Variants in GLIS3 observed in about 807,000 individuals in gnomAD.
GLIS3 encodes GLIS family zinc finger 3, also known as zinc finger protein GLIS3.
GLIS3 carries 53 observed loss-of-function variants against 78.6 expected under a neutral mutation model. The ratio of observed to expected loss-of-function variants is 0.67; its 90% CI spans 0.54 to 0.85. The LOEUF (loss-of-function observed/expected upper bound fraction) is 0.85, where lower values mean the gene tolerates loss of function less well. Among genes scored for constraint, GLIS3 ranks in the 40% least tolerant of loss-of-function variants. GLIS3 has a pLI of 0.00. For missense variants in GLIS3, 1,703 were observed against 1,231.1 expected, an observed-to-expected ratio of 1.38 and a Z score of -5.74; for synonymous variants, 684 against 509.9, an observed-to-expected ratio of 1.34 and a Z score of -4.60.
At chr9:3,944,364 A>C (rs943444027) in intron 4 of GLIS3, among the ~76,000 whole-genome samples, 1 of 152,230 alleles carries the variant, frequency 6.6e-6, no homozygotes, top group African/African-American at 2.4e-5. Flanking sequence ...CATAACTGGG[A>C]AAAGAACATT....
intron 4 of GLIS3, among the ~76,000 whole-genome samples, chr9:3,967,821 C>T (rs902586523): frequency 2.0e-5 from 3 of 152,046 alleles, no homozygotes; most frequent in Non-Finnish European, 2.9e-5. Flanking sequence ...CTTCCACAAC[C>T]GTAAAGAATG....
intron 1 of GLIS3, among the ~76,000 whole-genome samples, chr9:4,347,337 C>G (rs565638495): frequency 6.6e-6 from 1 of 152,206 alleles, no homozygotes; most frequent in South Asian, 2.1e-4. Flanking sequence ...CCCTCATGAC[C>G]TAAACACCTC....
In GLIS3 at chr9:4,240,526, C is replaced by A. The variant is rs12345870; in HGVS notation, c.388+45512G>T. 8.3e-3 allele frequency among the ~76,000 whole-genome samples: 1,266 copies of A among 152,084 alleles called. 25 individuals are homozygous for A. The highest frequency in any genetic ancestry group is 0.029 in the African/African-American group (1,219 of 41,482). On this transcript the variant is annotated intron_variant, in intron 2 of 10. Transcript: ENST00000381971. Reference sequence around the variant, plus strand: ...CTGAGATTTTCTCTCCAAAAAAAAACTAGTAAAAATTATAAACAAGATTAC... The same window carrying A: ...CTGAGATTTTCTCTCCAAAAAAAAAATAGTAAAAATTATAAACAAGATTAC...
the GLIS3 span, among the ~76,000 whole-genome samples, chr9:4,402,465 C>G: frequency 6.6e-6 from 1 of 152,110 alleles, no homozygotes; most frequent in Non-Finnish European, 1.5e-5. Context: ...CATGACCTCA[C>G]CAAATGAACT....
intron 2 of GLIS3, among the ~76,000 whole-genome samples, chr9:4,275,147 T>C (rs991759878): frequency 2.0e-5 from 3 of 152,170 alleles, no homozygotes; most frequent in African/African-American, 7.2e-5. Flanking sequence ...AAGGTGCTTA[T>C]GCATATACCG....
chr9:4,381,559 C>G, the GLIS3 span, among the ~76,000 whole-genome samples: 1 of 152,208 alleles, frequency 6.6e-6, no homozygotes, highest in Non-Finnish European at 1.5e-5. Flanking sequence ...ATTTTATGAA[C>G]ACAGCACTCA....
chr9:3,902,511 C>T (rs997333675), intron 6 of GLIS3, among the ~76,000 whole-genome samples: 4 of 152,208 alleles, frequency 2.6e-5, no homozygotes, highest in African/African-American at 9.6e-5. Flanking sequence ...ATTTTACCAA[C>T]ATCTTCTTAG....
intron 4 of GLIS3, among the ~76,000 whole-genome samples, chr9:4,116,920 G>T (rs1200816342): frequency 6.6e-6 from 1 of 152,188 alleles, no homozygotes; most frequent in Admixed American, 6.5e-5. Context: ...GATCCCAAGG[G>T]TGATGCCCTG....
At chr9:4,301,585 A>G (rs1055965543), upstream of GLIS3, among the ~76,000 whole-genome samples, 1 of 152,216 alleles carries the variant, frequency 6.6e-6, no homozygotes, top group African/African-American at 2.4e-5. Context: ...ACTTCTGTTC[A>G]TCAGATTCTT....
intron 4 of GLIS3, among the ~76,000 whole-genome samples, chr9:4,101,837 G>C (rs1240214757): frequency 6.6e-6 from 1 of 152,068 alleles, no homozygotes; most frequent in Non-Finnish European, 1.5e-5. Context: ...ATGCCATCTT[G>C]CACCAAAAGT....
the GLIS3 span, among the ~76,000 whole-genome samples, chr9:4,405,593 T>A: frequency 6.6e-6 from 1 of 152,020 alleles, no homozygotes; most frequent in East Asian, 1.9e-4. Context: ...AAAAGTCTCC[T>A]AGTAAAGAAA....
intron 4 of GLIS3, among the ~76,000 whole-genome samples, chr9:4,022,070 G>C (rs1223339746): frequency 6.6e-6 from 1 of 152,036 alleles, no homozygotes; most frequent in Non-Finnish European, 1.5e-5. Flanking sequence ...GACAGGTGGT[G>C]ACAACTTAAT....
At chr9:4,486,585 G>A in the GLIS3 span, among the ~76,000 whole-genome samples, 34 of 152,132 alleles carry the variant, frequency 2.2e-4, no homozygotes, top group Admixed American at 6.5e-4. Context: ...GAAGTCTCCC[G>A]TGTGTATACG....
At chr9:3,855,119 T>C (rs1819681708) in intron 9 of GLIS3, among the ~76,000 whole-genome samples, 2 of 152,198 alleles carry the variant, frequency 1.3e-5, no homozygotes, top group Admixed American at 1.3e-4. Context: ...TAAAAGCCTG[T>C]GACAGTTCAA....
At chr9:4,234,087 T>C (rs1322792202) in intron 2 of GLIS3, among the ~76,000 whole-genome samples, 3 of 152,126 alleles carry the variant, frequency 2.0e-5, no homozygotes, top group African/African-American at 4.8e-5. Context: ...GTGGTCAGTA[T>C]GACTGTCCAT....
chr9:4,178,277 C>T (rs976620102), intron 2 of GLIS3, among the ~76,000 whole-genome samples: 5 of 151,958 alleles, frequency 3.3e-5, no homozygotes, highest in African/African-American at 7.3e-5. Flanking sequence ...ACTCTGCCAC[C>T]GTGCCTAAGA....
the GLIS3 span, among the ~76,000 whole-genome samples, chr9:4,419,378 G>A: frequency 2.6e-5 from 4 of 152,190 alleles, no homozygotes; most frequent in Admixed American, 6.5e-5. Context: ...GGCTGTACAG[G>A]AAGCATAATT....
chr9:4,179,137 A>C (rs1029724418), intron 2 of GLIS3, among the ~76,000 whole-genome samples: 6 of 152,312 alleles, frequency 3.9e-5, no homozygotes, highest in Admixed American at 2.0e-4. Context: ...GCTTCATTAA[A>C]GATGCTTACA....
At chr9:4,204,263 C>A (rs1262322834) in intron 2 of GLIS3, among the ~76,000 whole-genome samples, 1 of 152,092 alleles carries the variant, frequency 6.6e-6, no homozygotes, top group African/African-American at 2.4e-5. Flanking sequence ...GTACAGTTAG[C>A]GATTTTATAA....
Sources: allele counts gnomAD v4.1 joint callset (sites outside exome capture counted in the v4.1 genomes callset), GRCh38; gene constraint gnomAD v4.1.1; transcripts MANE v1.5; gene names NCBI Gene and HGNC (gene_info 2026-07-23, HGNC 2026-07-21).